Variants in NCK2 observed in about 807,000 individuals in gnomAD.
NCK2 encodes NCK adaptor protein 2.
Under a neutral mutation model 33.9 loss-of-function variants are expected in NCK2, and 16 were observed. That is an observed-to-expected ratio of 0.47 (90% CI 0.32 to 0.72). The LOEUF (loss-of-function observed/expected upper bound fraction) is 0.72, where lower values mean the gene tolerates loss of function less well. NCK2 is among the 30% of genes least tolerant of loss of function. The pLI is 0.03. For missense variants in NCK2, 418 were observed against 537.3 expected (o/e 0.78, Z 2.19); for synonymous variants, 273 against 239.9 (o/e 1.14, Z -1.27).
chr2:105,823,921 A>G (rs1277030770), intron 2 of NCK2, among the ~76,000 whole-genome samples: 1 of 152,014 alleles, frequency 6.6e-6, no homozygotes, highest in East Asian at 1.9e-4. Context: ...TCCCGTGTGA[A>G]GGTCTACCCA....
chr2:105,774,755 G>A (rs886850108), intron 1 of NCK2, among the ~76,000 whole-genome samples: 5 of 152,070 alleles, frequency 3.3e-5, no homozygotes, highest in African/African-American at 9.7e-5. Flanking sequence ...TTTAACTCAC[G>A]TTTATTTTGT....
chr2:105,812,695 T>A (rs1313266749), intron 1 of NCK2, among the ~76,000 whole-genome samples: 1 of 152,148 alleles, frequency 6.6e-6, no homozygotes, highest in Non-Finnish European at 1.5e-5. Flanking sequence ...TAGCTCTGGC[T>A]ACAGACTAGG....
At chr2:105,796,684 A>G (rs911970412) in intron 1 of NCK2, among the ~76,000 whole-genome samples, 1 of 152,232 alleles carries the variant, frequency 6.6e-6, no homozygotes, top group Non-Finnish European at 1.5e-5. Context: ...AGCTCTCGGC[A>G]TCATGTTTAT....
At chr2:105,748,710 ACC>A (rs1483624650) in intron 1 of NCK2, among the ~76,000 whole-genome samples, 5 of 151,882 alleles carry the variant, frequency 3.3e-5, no homozygotes, top group Non-Finnish European at 7.4e-5. Context: ...GAGCCACCAT[ACC>A]CTGCCCTATG....
chr2:105,786,631 C>A (rs908362972), intron 1 of NCK2, among the ~76,000 whole-genome samples: 5 of 152,196 alleles, frequency 3.3e-5, no homozygotes, highest in African/African-American at 1.2e-4. Context: ...CAGGGTGAGG[C>A]CTGATAAGCA....
chr2:105,818,193 C>G (rs1032181321), intron 2 of NCK2, among the ~76,000 whole-genome samples: 7 of 145,866 alleles, frequency 4.8e-5, no homozygotes, highest in African/African-American at 1.8e-4. Flanking sequence ...AAACCAAACA[C>G]TGCATGTTCT....
intron 1 of NCK2, among the ~76,000 whole-genome samples, chr2:105,807,926 A>T (rs1675146097): frequency 6.9e-6 from 1 of 143,944 alleles, no homozygotes; most frequent in Admixed American, 7.3e-5. Context: ...TCTGTCTCTG[A>T]TGAAGTCTCC....
At chr2:105,788,378 G>A (rs1690755603) in intron 1 of NCK2, among the ~76,000 whole-genome samples, 1 of 152,146 alleles carries the variant, frequency 6.6e-6, no homozygotes, top group African/African-American at 2.4e-5. Flanking sequence ...CCATTTAGAT[G>A]ATGATGTTTC....
intron 4 of NCK2, 70 bp from the exon 5 acceptor site, chr2:105,892,912 A>G: frequency 7.7e-7 from 1 of 1,304,940 alleles, no homozygotes; most frequent in Non-Finnish European, 1.1e-6. Context: ...GACGCACAAG[A>G]GATGTGGATG....
At chr2:105,745,447 G>C (rs1478239565) in intron 1 of NCK2, among the ~76,000 whole-genome samples, 6 of 151,922 alleles carry the variant, frequency 3.9e-5, no homozygotes, top group African/African-American at 1.4e-4. Context: ...CAGGGGGCCC[G>C]GCTGCGGGGC....
In NCK2 at chr2:105,861,072, G is replaced by C. The variant is rs553585316; in HGVS notation, c.226+5783G>C. ...AGCAGTGAAGGTAACAATTGTTTAC[G>C]GAAAACTATCAACCATTTTCTAAAT... On this transcript the variant is annotated intron_variant, in intron 3 of 4. Coordinates refer to ENST00000233154, the MANE Select transcript of NCK2 (RefSeq NM_003581.5). Among the ~76,000 whole-genome samples the C allele has an allele frequency of 2.6e-5, 4 of 152,102 alleles. No individual in the cohort carries two copies. The South Asian group carries it at 8.3e-4, about 32-fold the overall frequency.
At chr2:105,859,312 C>G (rs535670898) in intron 3 of NCK2, among the ~76,000 whole-genome samples, 1 of 152,162 alleles carries the variant, frequency 6.6e-6, no homozygotes, top group Non-Finnish European at 1.5e-5. Context: ...CAAAAAGTTA[C>G]GGTTCCATTT....
chr2:105,754,062 G>C (rs927457071), intron 1 of NCK2, among the ~76,000 whole-genome samples: 1 of 152,218 alleles, frequency 6.6e-6, no homozygotes, highest in African/African-American at 2.4e-5. Flanking sequence ...CCCTGGAGCA[G>C]ATGGGACTGA....
chr2:105,781,282 C>T (rs906081510), intron 1 of NCK2, among the ~76,000 whole-genome samples: 2 of 146,824 alleles, frequency 1.4e-5, no homozygotes, highest in Admixed American at 6.8e-5. Context: ...CCAAGGGAGC[C>T]GTGCACTTTT....
chr2:105,830,670 GGTGTGTGTGTGTGTGTGTGTGTGTGTGT>G (rs56220635), intron 2 of NCK2, among the ~76,000 whole-genome samples: 1 of 98,986 alleles, frequency 1.0e-5, no homozygotes, highest in Non-Finnish European at 2.1e-5. Context: ...CCAGGAATTT[GGTGTGTGTGTGTGTGTGTGTGTGTGTGT>G]GTGTGTGTGT....
intron 2 of NCK2, among the ~76,000 whole-genome samples, chr2:105,832,846 CT>C (rs60670971): frequency 0.34 from 47,746 of 141,402 alleles, 9,200 homozygotes; most frequent in African/African-American, 0.55. Context: ...ATTCTCTTCT[CT>C]TTTTTTTTTT....
intron 1 of NCK2, among the ~76,000 whole-genome samples, chr2:105,779,944 A>G (rs1690433721): frequency 6.6e-6 from 1 of 152,154 alleles, no homozygotes; most frequent in Non-Finnish European, 1.5e-5. Context: ...GTACATATCC[A>G]CATACTTCAC....
chr2:105,819,030 A>G (rs1411914596), intron 2 of NCK2, among the ~76,000 whole-genome samples: 1 of 152,188 alleles, frequency 6.6e-6, no homozygotes. Context: ...GCTTTATGTT[A>G]TCTTTTGGAG....
At chr2:105,779,963 G>A (rs1260099697) in intron 1 of NCK2, among the ~76,000 whole-genome samples, 3 of 152,094 alleles carry the variant, frequency 2.0e-5, no homozygotes, top group East Asian at 3.9e-4. Context: ...ACAGCTCAGC[G>A]AATTCTCAAG....
Sources: allele counts gnomAD v4.1 joint callset (sites outside exome capture counted in the v4.1 genomes callset), GRCh38; gene constraint gnomAD v4.1.1; transcripts MANE v1.5; gene names NCBI Gene and HGNC (gene_info 2026-07-23, HGNC 2026-07-21).